The following PDE8B variants were observed in gnomAD, a reference collection of about 807,000 sequenced individuals.
PDE8B encodes the protein phosphodiesterase 8B.
PDE8B carries 26 observed loss-of-function variants against 101.3 expected under a neutral mutation model. That is an observed-to-expected ratio of 0.26 (90% CI 0.19 to 0.36). The LOEUF (loss-of-function observed/expected upper bound fraction) is 0.36. Among genes scored for constraint, PDE8B ranks in the 10% least tolerant of loss-of-function variants. PDE8B has a pLI of 1.00. For synonymous variants in PDE8B, 424 were observed against 429.3 expected, an observed-to-expected ratio of 0.99 and a Z score of 0.15; for missense variants, 810 against 1,163.1, an observed-to-expected ratio of 0.70 and a Z score of 4.42.
intron 11 of PDE8B, among the ~76,000 whole-genome samples, chr5:77,402,611 G>A (rs1413063465): frequency 1.3e-5 from 2 of 152,306 alleles, no homozygotes; most frequent in East Asian, 3.8e-4. Flanking sequence ...TGTGTCTAAA[G>A]ACATATATGC....
chr5:77,239,397 A>G (rs1755294433), intron 1 of PDE8B, among the ~76,000 whole-genome samples: 1 of 152,180 alleles, frequency 6.6e-6, no homozygotes, highest in African/African-American at 2.4e-5. Context: ...TGTGCTTTTT[A>G]GTGTTAGATC....
rs1748341994 is a variant in PDE8B, at chr5:77,211,327, G to T, written c.339+63G>T. Reference sequence around the variant, plus strand: ...CCGCCCCGTCGGCGGGGCTCGCACGGGTAGGGGGCTCCGGCGGAGTTGGGT... The same window carrying T: ...CCGCCCCGTCGGCGGGGCTCGCACGTGTAGGGGGCTCCGGCGGAGTTGGGT... On this transcript the variant is annotated intron_variant, in intron 1 of 21. Transcript: ENST00000264917. This position sits in a 1 kb window ranked among gnomAD's most constrained non-coding sequence, Gnocchi z 4.1. 2 of 1,462,392 alleles carry T rather than the reference G, an allele frequency of 1.4e-6. No homozygotes were observed. The highest frequency in any genetic ancestry group is 2.5e-5 in the South Asian group (2 of 79,242). 90.6% of individuals were successfully genotyped at this position (1,462,392 alleles called of 1,614,324 possible).
chr5:77,352,487 G>T (rs944644633), intron 9 of PDE8B, among the ~76,000 whole-genome samples: 2 of 152,204 alleles, frequency 1.3e-5, no homozygotes, highest in Non-Finnish European at 2.9e-5. Flanking sequence ...AATTTCCAGT[G>T]TTATTTTCCC....
At chr5:77,113,220 C>T in the PDE8B span, 1 of 152,150 alleles carries the variant, frequency 6.6e-6, no homozygotes, top group Non-Finnish European at 1.5e-5. Flanking sequence ...CAAGACAATC[C>T]TAAGCAAAAA....
At chr5:77,184,646 G>A in the PDE8B span, among the ~76,000 whole-genome samples, 1 of 152,108 alleles carries the variant, frequency 6.6e-6, no homozygotes, top group South Asian at 2.1e-4. Context: ...GCTAGGCTAT[G>A]CTGCAGCCAC....
chr5:77,367,595 A>G (rs1322440411), intron 10 of PDE8B, among the ~76,000 whole-genome samples: 1 of 143,998 alleles, frequency 6.9e-6, no homozygotes, highest in African/African-American at 2.6e-5. Context: ...CAGGGGCGCA[A>G]TCTCGACTCA....
chr5:77,124,736 A>G, the PDE8B span, among the ~76,000 whole-genome samples: 3 of 152,222 alleles, frequency 2.0e-5, no homozygotes, highest in Admixed American at 1.3e-4. Context: ...AATACACTGG[A>G]TAGATATAAT....
chr5:77,113,654 T>C, the PDE8B span: 1 of 152,140 alleles, frequency 6.6e-6, no homozygotes, highest in African/African-American at 2.4e-5. Flanking sequence ...AAAGCCAAAA[T>C]AGACAAATGG....
chr5:77,177,264 C>A, the PDE8B span, among the ~76,000 whole-genome samples: 73,842 of 151,712 alleles, frequency 0.49, 18,313 homozygotes, highest in African/African-American at 0.58. Flanking sequence ...AGTATCCCCC[C>A]CTTATCCGCA....
chr5:77,177,358 A>G, the PDE8B span, among the ~76,000 whole-genome samples: 19 of 152,258 alleles, frequency 1.2e-4, no homozygotes, highest in Admixed American at 1.2e-3. Flanking sequence ...TTTCCTATAC[A>G]TACGTACCTA....
intron 1 of PDE8B, among the ~76,000 whole-genome samples, chr5:77,296,695 A>G (rs559684363): frequency 1.7e-4 from 26 of 152,212 alleles, no homozygotes; most frequent in Non-Finnish European, 3.4e-4. Flanking sequence ...AGATGATCAT[A>G]TATTGACTCT....
the PDE8B span, chr5:77,139,679 T>A: frequency 6.6e-5 from 10 of 152,250 alleles, no homozygotes; most frequent in Admixed American, 5.9e-4. Context: ...ACATTTTGAG[T>A]CATTTCCTTA....
chr5:77,308,244 G>A (rs1235668011), intron 1 of PDE8B, among the ~76,000 whole-genome samples: 1 of 152,166 alleles, frequency 6.6e-6, no homozygotes, highest in Non-Finnish European at 1.5e-5. Context: ...AAGGCCAGAT[G>A]ACTTGGAGCA....
chr5:77,102,038 A>C, the PDE8B span, among the ~76,000 whole-genome samples: 1 of 152,198 alleles, frequency 6.6e-6, no homozygotes, highest in South Asian at 2.1e-4. Context: ...TTTTGCCACA[A>C]TAAAGTTTAA....
At chr5:77,097,707 C>CTATATATATATATCTATA in the PDE8B span, among the ~76,000 whole-genome samples, 1 of 20,950 alleles carries the variant, frequency 4.8e-5, no homozygotes, top group Admixed American at 5.8e-4. Flanking sequence ...ATATATATAT[C>CTATATATATATATCTATA]TATATATATA....
intron 1 of PDE8B, among the ~76,000 whole-genome samples, chr5:77,290,071 A>G (rs541790788): frequency 6.6e-6 from 1 of 152,370 alleles, no homozygotes; most frequent in East Asian, 1.9e-4. Context: ...GCCAAGATAC[A>G]TCCGTGAGTA....
chr5:77,352,433 T>C (rs1313779493), intron 9 of PDE8B, among the ~76,000 whole-genome samples: 4 of 152,280 alleles, frequency 2.6e-5, no homozygotes, highest in Non-Finnish European at 4.4e-5. Flanking sequence ...TTCTGGTCTC[T>C]CTGATTTTAC....
intron 1 of PDE8B, among the ~76,000 whole-genome samples, chr5:77,244,779 A>G (rs1290362891): frequency 6.6e-6 from 1 of 152,126 alleles, no homozygotes; most frequent in Non-Finnish European, 1.5e-5. Flanking sequence ...GCAGCTATTA[A>G]GTAGGTAAAC....
At chr5:77,402,881 C>T (rs1195282882) in intron 11 of PDE8B, among the ~76,000 whole-genome samples, 1 of 152,190 alleles carries the variant, frequency 6.6e-6, no homozygotes, top group Non-Finnish European at 1.5e-5. Context: ...GTTTCCTTAA[C>T]TACTAGGCTT....
Sources: allele counts gnomAD v4.1 joint callset (sites outside exome capture counted in the v4.1 genomes callset), GRCh38; gene constraint gnomAD v4.1.1; non-coding constraint Gnocchi (gnomAD v3.1); transcripts MANE v1.5; gene names NCBI Gene and HGNC (gene_info 2026-07-23, HGNC 2026-07-21).